C10orf67: variants seen among roughly 807,000 people sequenced by gnomAD.
C10orf67 encodes uncharacterized protein C10orf67, mitochondrial.
A neutral mutation model predicts 35.6 loss-of-function variants in C10orf67; 60 were observed. The observed-to-expected ratio is 1.68, with a 90% CI of 1.37 to 2.09. The LOEUF (loss-of-function observed/expected upper bound fraction) is 2.09, where lower values mean the gene tolerates loss of function less well. C10orf67 is among the 30% of genes most tolerant of loss of function. The pLI, the probability that C10orf67 is intolerant of heterozygous loss-of-function variation, is 0.00. For synonymous variants in C10orf67, 167 were observed against 115.8 expected (o/e 1.44, Z -2.84); for missense variants, 474 against 330.2 (o/e 1.44, Z -3.38).
Position 23,292,725 on chromosome 10 carries a change from ATGTG to A in C10orf67, c.703-1450_703-1447del, listed in dbSNP as rs35181915. Among the ~76,000 whole-genome samples, 791 of 151,236 alleles carry A rather than the reference ATGTG, an allele frequency of 5.2e-3. 43 individuals are homozygous for A. Among genetic ancestry groups the A allele is most frequent in the Admixed American group, 0.05 (754 of 15,192 alleles). On this transcript the variant is annotated intron_variant, in intron 5 of 15. Transcript: ENST00000636213. ...TAATGAAATTACGTATGGTATATAT[ATGTG>A]TGTGTGTGTGTGTGTAAGAGTTAGT...
chr10:23,343,323 C>T (rs1030981588), intron 1 of C10orf67, among the ~76,000 whole-genome samples: 3 of 151,894 alleles, frequency 2.0e-5, no homozygotes, highest in African/African-American at 7.3e-5. Flanking sequence ...GTGTGGGGGA[C>T]GTGGGGGAAA....
intron 15 of C10orf67, among the ~76,000 whole-genome samples, chr10:23,206,791 A>G (rs558459353): frequency 1.3e-5 from 2 of 152,288 alleles, no homozygotes; most frequent in East Asian, 3.9e-4. Flanking sequence ...TCAATGAAAA[A>G]TTTCATTTAA....
At chr10:23,328,425 T>C (rs538232179) in intron 2 of C10orf67, among the ~76,000 whole-genome samples, 39 of 152,244 alleles carry the variant, frequency 2.6e-4, no homozygotes, top group African/African-American at 8.9e-4. Context: ...ACTTCTCCCA[T>C]ATTCTCCTTC....
At chr10:23,246,905 C>T (rs1461555574) in intron 12 of C10orf67, among the ~76,000 whole-genome samples, 1 of 152,100 alleles carries the variant, frequency 6.6e-6, no homozygotes, top group African/African-American at 2.4e-5. Context: ...CTTACTGCAG[C>T]CTCAACCTCC....
chr10:23,210,678 C>G (rs1011340974), intron 15 of C10orf67, among the ~76,000 whole-genome samples: 4 of 152,120 alleles, frequency 2.6e-5, no homozygotes, highest in African/African-American at 9.7e-5. Context: ...ACTCAGCCTC[C>G]CAAAGTACTG....
At chr10:23,228,100 A>C (rs1175417867) in intron 13 of C10orf67, among the ~76,000 whole-genome samples, 1 of 152,240 alleles carries the variant, frequency 6.6e-6, no homozygotes, top group Non-Finnish European at 1.5e-5. Context: ...TTTAAAGTTC[A>C]TATGGAACCA....
At chr10:23,253,488 A>G (rs1190542125) in intron 10 of C10orf67, among the ~76,000 whole-genome samples, 1 of 152,196 alleles carries the variant, frequency 6.6e-6, no homozygotes, top group Non-Finnish European at 1.5e-5. Flanking sequence ...CCCCAGGCCC[A>G]GGGTCAGGGA....
chr10:23,295,477 A>G (rs1801232033), intron 5 of C10orf67, among the ~76,000 whole-genome samples: 1 of 152,244 alleles, frequency 6.6e-6, no homozygotes, highest in Non-Finnish European at 1.5e-5. Context: ...ACGGATGGCC[A>G]TAAGGATTTG....
chr10:23,224,061 T>C (rs2132107972), intron 13 of C10orf67, among the ~76,000 whole-genome samples: 1 of 152,352 alleles, frequency 6.6e-6, no homozygotes, highest in South Asian at 2.1e-4. Context: ...CTTCTGACTC[T>C]ACTTCCTTTT....
At chr10:23,315,616 T>A (rs1588685626) in intron 4 of C10orf67, among the ~76,000 whole-genome samples, 1 of 152,014 alleles carries the variant, frequency 6.6e-6, no homozygotes, top group Non-Finnish European at 1.5e-5. Context: ...TCTTTTTGTA[T>A]GTTTTGTAGA....
intron 7 of C10orf67, among the ~76,000 whole-genome samples, chr10:23,287,073 G>A (rs1027282513): frequency 2.0e-5 from 3 of 152,158 alleles, no homozygotes; most frequent in East Asian, 3.8e-4. Context: ...TAGATTCAAT[G>A]CTATTTCCAT....
chr10:23,267,903 A>G (rs949055133), intron 8 of C10orf67, among the ~76,000 whole-genome samples: 5 of 152,000 alleles, frequency 3.3e-5, no homozygotes, highest in African/African-American at 1.2e-4. Flanking sequence ...CTCAGTCTCA[A>G]AAAAAAGAAA....
intron 12 of C10orf67, among the ~76,000 whole-genome samples, chr10:23,247,394 T>C (rs1842343003): frequency 6.6e-6 from 1 of 152,218 alleles, no homozygotes; most frequent in African/African-American, 2.4e-5. Context: ...TTGCTTACAG[T>C]ATTCAGTTAT....
At chr10:23,205,899 T>G (rs1220943284) in intron 15 of C10orf67, among the ~76,000 whole-genome samples, 1 of 152,240 alleles carries the variant, frequency 6.6e-6, no homozygotes, top group African/African-American at 2.4e-5. Flanking sequence ...GTAAATATCC[T>G]TAAAAGACTA....
At chr10:23,285,366 G>A (rs1843499325) in intron 7 of C10orf67, among the ~76,000 whole-genome samples, 1 of 147,918 alleles carries the variant, frequency 6.8e-6, no homozygotes, top group African/African-American at 2.5e-5. Flanking sequence ...TATATAATTT[G>A]TTATATATAT....
chr10:23,328,422 C>T (rs948393565), intron 2 of C10orf67, among the ~76,000 whole-genome samples: 24 of 152,106 alleles, frequency 1.6e-4, no homozygotes, highest in African/African-American at 5.3e-4. Context: ...CCTACTTCTC[C>T]CATATTCTCC....
At chr10:23,202,030 T>C (rs937391267), downstream of C10orf67, 2 of 152,264 alleles carry the variant, frequency 1.3e-5, no homozygotes, top group Non-Finnish European at 2.9e-5. Context: ...ATTACAGATA[T>C]GCAAATTTCT....
At chr10:23,343,116 A>T (rs893471077) in intron 1 of C10orf67, among the ~76,000 whole-genome samples, 18 of 152,382 alleles carry the variant, frequency 1.2e-4, no homozygotes, top group Middle Eastern at 3.4e-3. Context: ...ACAAGGATCA[A>T]GGAATAGCAA....
At chr10:23,229,228 T>C (rs981367780) in intron 13 of C10orf67, among the ~76,000 whole-genome samples, 4 of 151,826 alleles carry the variant, frequency 2.6e-5, no homozygotes, top group Non-Finnish European at 5.9e-5. Flanking sequence ...ATGTGGGACA[T>C]ATACACCATG....
Sources: gnomAD v4.1 joint callset for allele counts (sites outside exome capture counted in the v4.1 genomes callset) on GRCh38, gnomAD v4.1.1 for gene constraint, MANE v1.5 for transcripts, NCBI Gene and HGNC (gene_info 2026-07-23, HGNC 2026-07-21) for gene names.